The following LPAR3 variants were observed in gnomAD, a reference collection of about 807,000 sequenced individuals.
LPAR3 encodes the protein lysophosphatidic acid receptor 3, also known as LPA receptor 3.
In LPAR3, 7 loss-of-function variants were observed where a neutral mutation model predicts 17.8. The observed-to-expected ratio is 0.39, with a 90% CI of 0.22 to 0.74. LPAR3 has a LOEUF of 0.74. LPAR3 is among the 30% of genes least tolerant of loss of function. The pLI is 0.40. For missense variants in LPAR3, 391 were observed against 453.4 expected, an observed-to-expected ratio of 0.86 and a Z score of 1.25; for synonymous variants, 179 against 179.9, an observed-to-expected ratio of 0.99 and a Z score of 0.04.
At chr1:84,854,984 C>T (rs1659789987) in intron 2 of LPAR3, among the ~76,000 whole-genome samples, 1 of 152,178 alleles carries the variant, frequency 6.6e-6, no homozygotes. Flanking sequence ...ACATACTCTG[C>T]AGAGTTAACA....
At chr1:84,837,980 A>G (rs1278359339) in intron 2 of LPAR3, among the ~76,000 whole-genome samples, 1 of 152,188 alleles carries the variant, frequency 6.6e-6, no homozygotes, top group Non-Finnish European at 1.5e-5. Flanking sequence ...GTTTAACTAG[A>G]TGGCTCCTAT....
intron 1 of LPAR3, among the ~76,000 whole-genome samples, chr1:84,867,353 C>A (rs1660071561): frequency 6.6e-6 from 1 of 152,164 alleles, no homozygotes; most frequent in Admixed American, 6.5e-5. Context: ...GAGGCTGCAG[C>A]TTATTCCCTG....
intron 2 of LPAR3, among the ~76,000 whole-genome samples, chr1:84,826,590 A>T (rs1659160923): frequency 6.6e-6 from 1 of 150,376 alleles, no homozygotes. Flanking sequence ...TTGATATGAA[A>T]GATGTTTATT....
At chr1:84,830,506 CCAA>C (rs533343565) in intron 2 of LPAR3, among the ~76,000 whole-genome samples, 27 of 152,068 alleles carry the variant, frequency 1.8e-4, no homozygotes, top group Non-Finnish European at 3.4e-4. Context: ...TAGGTTGAGT[CCAA>C]CGTTTCCCAT....
intron 2 of LPAR3, among the ~76,000 whole-genome samples, chr1:84,828,592 T>C (rs1459905056): frequency 2.0e-5 from 3 of 152,170 alleles, no homozygotes; most frequent in Admixed American, 6.5e-5. Flanking sequence ...AACTGGCAGG[T>C]CATAAGGCCA....
At chr1:84,867,534 T>G (rs1203058433) in intron 1 of LPAR3, among the ~76,000 whole-genome samples, 1 of 149,798 alleles carries the variant, frequency 6.7e-6, no homozygotes, top group Non-Finnish European at 1.5e-5. Context: ...AATAGAAATG[T>G]ATCTCAGTCT....
intron 2 of LPAR3, among the ~76,000 whole-genome samples, chr1:84,856,133 C>T (rs1659816154): frequency 6.6e-6 from 1 of 152,134 alleles, no homozygotes; most frequent in African/African-American, 2.4e-5. Context: ...ACAATGCCTC[C>T]CTCCCATAGG....
chr1:84,846,143 A>G (rs893283029), intron 2 of LPAR3, among the ~76,000 whole-genome samples: 8 of 152,212 alleles, frequency 5.3e-5, no homozygotes, highest in Non-Finnish European at 1.0e-4. Context: ...CAAGATTGTA[A>G]GTTTACTGAT....
chr1:84,847,531 T>C (rs776227919), intron 2 of LPAR3, among the ~76,000 whole-genome samples: 2 of 152,052 alleles, frequency 1.3e-5, no homozygotes, highest in Middle Eastern at 3.2e-3. Context: ...CCAGTTGGAG[T>C]CCATCAACAA....
chr1:84,835,398 A>G (rs1329864753), intron 2 of LPAR3, among the ~76,000 whole-genome samples: 5 of 152,158 alleles, frequency 3.3e-5, no homozygotes, highest in Non-Finnish European at 7.3e-5. Flanking sequence ...TTGAACATGC[A>G]CTGTTATCAA....
chr1:84,844,312 A>C (rs1365948875), intron 2 of LPAR3, among the ~76,000 whole-genome samples: 1 of 152,176 alleles, frequency 6.6e-6, no homozygotes, highest in Non-Finnish European at 1.5e-5. Flanking sequence ...GGTCTTTTCA[A>C]ATGTCTTGTG....
chr1:84,873,008 T>C (rs944020835), intron 1 of LPAR3, among the ~76,000 whole-genome samples: 2 of 152,042 alleles, frequency 1.3e-5, no homozygotes. Context: ...TAAATCGCAG[T>C]TGGGGAACAT....
At position 84,893,058 on chromosome 1, in the gene LPAR3, C is replaced by T. The variant is rs1191150519; in HGVS notation, c.-61G>A. The T allele has an allele frequency of 6.6e-6, 1 of 152,002 alleles. No individual in the cohort carries two copies. Among genetic ancestry groups the T allele is most frequent in the African/African-American group, 2.4e-5 (1 of 41,412 alleles). 9.4% of individuals were successfully genotyped at this position (152,002 alleles called of 1,614,324 possible). Reference sequence around the variant, plus strand: ...GCCGCCGAGCCCGGGAGCGGGGGCCCCTGCGGCTGCCGCATGCCCTCGGGG... The same window carrying T: ...GCCGCCGAGCCCGGGAGCGGGGGCCTCTGCGGCTGCCGCATGCCCTCGGGG... On this transcript the variant is annotated 5_prime_UTR_variant, in exon 1 of 3. Transcript: ENST00000370611.
At chr1:84,854,744 C>T (rs905933787) in intron 2 of LPAR3, among the ~76,000 whole-genome samples, 3 of 152,208 alleles carry the variant, frequency 2.0e-5, no homozygotes, top group Non-Finnish European at 4.4e-5. Context: ...AGGTTCACCA[C>T]TGAGCAGTAA....
At chr1:84,874,901 T>A (rs1004763136) in intron 1 of LPAR3, among the ~76,000 whole-genome samples, 25 of 18,046 alleles carry the variant, frequency 1.4e-3, no homozygotes, top group East Asian at 0.012. Context: ...GAATGTCAAT[T>A]TTTTTTTTTT....
In LPAR3 at chr1:84,821,235, C is replaced by T. The variant is rs987313431; in HGVS notation, c.737-7064G>A. On this transcript the variant is annotated intron_variant, in intron 2 of 2. Coordinates refer to ENST00000370611, the MANE Select transcript of LPAR3 (RefSeq NM_012152.3). Reference sequence around the variant, plus strand: ...GAGCTGCTCTGACTAAAGAAAGAGACGGAGGAGAGGGGGTGTTAACTAAAG... The same window carrying T: ...GAGCTGCTCTGACTAAAGAAAGAGATGGAGGAGAGGGGGTGTTAACTAAAG... Among the ~76,000 whole-genome samples, 9 of 151,652 alleles carry T rather than the reference C, an allele frequency of 5.9e-5. No homozygotes were observed. In the East Asian group the frequency reaches 7.8e-4, roughly 13 times the overall value.
chr1:84,873,270 GT>G (rs1660191097), intron 1 of LPAR3, among the ~76,000 whole-genome samples: 1 of 152,198 alleles, frequency 6.6e-6, no homozygotes, highest in Non-Finnish European at 1.5e-5. Context: ...CCACAGTAAT[GT>G]AAGATTTAAT....
chr1:84,877,542 C>T (rs543441462), intron 1 of LPAR3, among the ~76,000 whole-genome samples: 2 of 152,344 alleles, frequency 1.3e-5, no homozygotes, highest in South Asian at 4.1e-4. Context: ...CTGTAGCATT[C>T]TTAACCTCTG....
chr1:84,878,609 G>A (rs1660299852), intron 1 of LPAR3, among the ~76,000 whole-genome samples: 1 of 152,188 alleles, frequency 6.6e-6, no homozygotes, highest in African/African-American at 2.4e-5. Flanking sequence ...AGGGCAGCAT[G>A]TATGCACTCT....
Sources: gnomAD v4.1 joint callset for allele counts (sites outside exome capture counted in the v4.1 genomes callset) on GRCh38, gnomAD v4.1.1 for gene constraint, MANE v1.5 for transcripts, NCBI Gene and HGNC (gene_info 2026-07-23, HGNC 2026-07-21) for gene names.